COBL: variants seen among roughly 807,000 people sequenced by gnomAD.
COBL encodes cordon-bleu WH2 repeat protein.
A neutral mutation model predicts 98.8 loss-of-function variants in COBL; 51 were observed. The ratio of observed to expected loss-of-function variants is 0.52; its 90% CI spans 0.41 to 0.65. The LOEUF (loss-of-function observed/expected upper bound fraction) is 0.65. COBL is among the 30% of genes least tolerant of loss of function. The pLI, the probability that COBL is intolerant of heterozygous loss-of-function variation, is 0.00. For synonymous variants in COBL, 634 were observed against 651.7 expected (o/e 0.97, Z 0.41); for missense variants, 1,617 against 1,617.5 (o/e 1.00, Z 0.01).
chr7:51,212,932 G>A (rs1375641636), intron 2 of COBL, among the ~76,000 whole-genome samples: 1 of 152,216 alleles, frequency 6.6e-6, no homozygotes. Flanking sequence ...AAGTACCCAG[G>A]ACGTGCACAC....
In COBL at chr7:51,304,212, G is replaced by A. The variant is rs531049544; in HGVS notation, c.41+12381C>T. On this transcript the variant is annotated intron_variant, in intron 1 of 12. Transcript: ENST00000265136. ...TCACAACATCCAAGAACTGCTAGGA[G>A]AGCAAAACAAAGGGCAAAACACAAT... 7.2e-5 allele frequency among the ~76,000 whole-genome samples: 11 copies of A among 152,310 alleles called. No individual in the cohort carries two copies. The South Asian group carries it at 2.3e-3, about 32-fold the overall frequency.
chr7:51,170,061 A>G (rs1454855079), intron 5 of COBL, among the ~76,000 whole-genome samples: 1 of 152,150 alleles, frequency 6.6e-6, no homozygotes, highest in Non-Finnish European at 1.5e-5. Context: ...TTGGAAAAGC[A>G]TTACCCACTC....
chr7:51,120,265 A>T (rs771352815), intron 6 of COBL, among the ~76,000 whole-genome samples: 1 of 152,176 alleles, frequency 6.6e-6, no homozygotes, highest in Non-Finnish European at 1.5e-5. Flanking sequence ...GGCCTAAAAT[A>T]TAAGTTATTT....
chr7:51,172,527 C>T (rs751897958), intron 5 of COBL: 1 of 1,287,038 alleles, frequency 7.8e-7, no homozygotes, highest in South Asian at 1.2e-5. Flanking sequence ...ACGAGCTGCT[C>T]AGCCTGGAAC....
At chr7:51,035,986 G>A (rs1562825642) in intron 8 of COBL, 1 of 152,126 alleles carries the variant, frequency 6.6e-6, no homozygotes, top group Non-Finnish European at 1.5e-5. Context: ...TGAGGAAAGG[G>A]GGATTGGTTC....
In COBL at chr7:51,242,159, T is replaced by C. The variant is rs191534946; in HGVS notation, c.42-22215A>G. 3.0e-3 allele frequency among the ~76,000 whole-genome samples: 461 copies of C among 152,218 alleles called. 5 individuals are homozygous for C. Among genetic ancestry groups the C allele is most frequent in the Admixed American group, 0.027 (418 of 15,284 alleles). ...TTCTGCAATCAATCAGAAGTTTGCA[T>C]AGGGTGTAACTTTATAACTTCACTT... On this transcript the variant is annotated intron_variant, in intron 1 of 12. Transcript: ENST00000265136.
chr7:51,030,237 T>A (rs1788012115), intron 9 of COBL, among the ~76,000 whole-genome samples: 1 of 152,260 alleles, frequency 6.6e-6, no homozygotes, highest in Admixed American at 6.5e-5. Context: ...AAATATCTAA[T>A]TTTTAGTTTA....
chr7:51,273,054 C>A (rs977838925), intron 1 of COBL, among the ~76,000 whole-genome samples: 1 of 152,046 alleles, frequency 6.6e-6, no homozygotes, highest in South Asian at 2.1e-4. Context: ...CAAAGCCAGG[C>A]GCAGTGGCTC....
chr7:51,139,182 T>C (rs1453419604), intron 5 of COBL, among the ~76,000 whole-genome samples: 7 of 152,240 alleles, frequency 4.6e-5, no homozygotes, highest in African/African-American at 9.6e-5. Flanking sequence ...TCCCCATCTT[T>C]AAAATGGGGA....
Position 51,287,730 on chromosome 7 carries a change from C to T in COBL, c.41+28863G>A, listed in dbSNP as rs559318647. Reference sequence around the variant, plus strand: ...CACACTCACAAAACACTGGAGAAAACCCAGATGTCCTGCAATGGGTGGATG... The same window carrying T: ...CACACTCACAAAACACTGGAGAAAATCCAGATGTCCTGCAATGGGTGGATG... On this transcript the variant is annotated intron_variant, in intron 1 of 12. Transcript: ENST00000265136. Among the ~76,000 whole-genome samples the T allele has an allele frequency of 3.3e-5, 5 of 152,176 alleles. No homozygotes were observed. In the South Asian group the frequency reaches 8.3e-4, roughly 25 times the overall value.
At chr7:51,239,156 C>T (rs766296539) in intron 1 of COBL, among the ~76,000 whole-genome samples, 10 of 152,118 alleles carry the variant, frequency 6.6e-5, no homozygotes, top group Non-Finnish European at 4.4e-5. Context: ...TGACCCAGAG[C>T]GATTCCATCT....
intron 12 of COBL, among the ~76,000 whole-genome samples, chr7:51,018,891 C>CAAAAAAAAAAAAA (rs11433270): frequency 1.5e-4 from 1 of 6,834 alleles, no homozygotes. Context: ...AACTCCATCT[C>CAAAAAAAAAAAAA]AAAAAAAAAA....
intron 7 of COBL, among the ~76,000 whole-genome samples, chr7:51,053,291 T>C (rs866037474): frequency 6.6e-6 from 1 of 152,138 alleles, no homozygotes. Flanking sequence ...TCTCTACGGA[T>C]GATAAGAGAG....
At chr7:51,218,792 T>C (rs1224250035) in intron 2 of COBL, among the ~76,000 whole-genome samples, 2 of 152,212 alleles carry the variant, frequency 1.3e-5, no homozygotes, top group Non-Finnish European at 2.9e-5. Flanking sequence ...TTTCTTATTC[T>C]CCTTGTTTTC....
At chr7:51,095,863 A>G (rs912874859) in intron 6 of COBL, among the ~76,000 whole-genome samples, 1 of 152,212 alleles carries the variant, frequency 6.6e-6, no homozygotes, top group Non-Finnish European at 1.5e-5. Context: ...ATGCGCATCT[A>G]CCAGCAGTGT....
intron 5 of COBL, among the ~76,000 whole-genome samples, chr7:51,170,598 T>C (rs2129042917): frequency 6.7e-6 from 1 of 149,886 alleles, no homozygotes; most frequent in Admixed American, 6.7e-5. Flanking sequence ...AAATATAATT[T>C]AGCCTTAAAA....
At chr7:51,169,496 C>T (rs1235789042) in intron 5 of COBL, among the ~76,000 whole-genome samples, 1 of 152,164 alleles carries the variant, frequency 6.6e-6, no homozygotes, top group Non-Finnish European at 1.5e-5. Flanking sequence ...TTCCAATATA[C>T]ACAATGGAGT....
At chr7:51,163,151 T>C (rs1426364734) in intron 5 of COBL, among the ~76,000 whole-genome samples, 2 of 152,200 alleles carry the variant, frequency 1.3e-5, no homozygotes, top group East Asian at 3.8e-4. Flanking sequence ...ATGATGTGAC[T>C]CATGCCTCCG....
intron 6 of COBL, among the ~76,000 whole-genome samples, chr7:51,111,025 T>C (rs972845639): frequency 5.9e-5 from 9 of 152,242 alleles, no homozygotes; most frequent in Admixed American, 3.3e-4. Context: ...TTTCGAATAA[T>C]GACTTCTTTT....
Sources: gnomAD v4.1 joint callset for allele counts (sites outside exome capture counted in the v4.1 genomes callset) on GRCh38, gnomAD v4.1.1 for gene constraint, MANE v1.5 for transcripts, NCBI Gene and HGNC (gene_info 2026-07-23, HGNC 2026-07-21) for gene names.